The following RIMS2 variants were observed in gnomAD, a reference collection of about 807,000 sequenced individuals.
RIMS2 encodes regulating synaptic membrane exocytosis 2, also known as regulating synaptic membrane exocytosis protein 2.
RIMS2 carries 59 observed loss-of-function variants against 174.4 expected under a neutral mutation model. The ratio of observed to expected loss-of-function variants is 0.34; its 90% CI spans 0.27 to 0.42. The LOEUF is 0.42. Ranked by LOEUF, RIMS2 falls within the 10% of genes least tolerant of loss-of-function variation. RIMS2 has a pLI of 1.00. For synonymous variants in RIMS2, 606 were observed against 572.5 expected (o/e 1.06, Z -0.84); for missense variants, 1,620 against 1,666.3 (o/e 0.97, Z 0.48).
intron 19 of RIMS2, among the ~76,000 whole-genome samples, chr8:104,131,566 G>A (rs2098473946): frequency 6.6e-6 from 1 of 152,128 alleles, no homozygotes; most frequent in African/African-American, 2.4e-5. Flanking sequence ...ATATGAAAAT[G>A]AAATTGAGTT....
intron 17 of RIMS2, among the ~76,000 whole-genome samples, chr8:104,002,950 A>G (rs559702739): frequency 4.6e-5 from 7 of 152,236 alleles, no homozygotes; most frequent in Admixed American, 2.0e-4. Context: ...ATAATATTTG[A>G]TTCATTGTGC....
chr8:103,657,763 A>T (rs1157212105), intron 1 of RIMS2, among the ~76,000 whole-genome samples: 1 of 152,166 alleles, frequency 6.6e-6, no homozygotes, highest in African/African-American at 2.4e-5. Context: ...CTTCATTCTC[A>T]TTGGTTAACA....
At chr8:103,908,536 C>T (rs1659457311) in intron 4 of RIMS2, among the ~76,000 whole-genome samples, 1 of 152,014 alleles carries the variant, frequency 6.6e-6, no homozygotes, top group African/African-American at 2.4e-5. Context: ...TCCCTGTTAC[C>T]CTTCCCTAAC....
chr8:103,550,613 A>G (rs1235664241), intron 1 of RIMS2, among the ~76,000 whole-genome samples: 1 of 152,192 alleles, frequency 6.6e-6, no homozygotes, highest in Non-Finnish European at 1.5e-5. Context: ...ATCAGAGCAG[A>G]ACTGAAGGAG....
intron 19 of RIMS2, among the ~76,000 whole-genome samples, chr8:104,076,927 C>T (rs911419785): frequency 6.6e-6 from 1 of 151,832 alleles, no homozygotes; most frequent in African/African-American, 2.4e-5. Context: ...AGTGATTCTC[C>T]TACCTCAGCC....
chr8:103,923,515 A>G (rs987039280), intron 10 of RIMS2, among the ~76,000 whole-genome samples: 1 of 151,902 alleles, frequency 6.6e-6, no homozygotes, highest in Non-Finnish European at 1.5e-5. Flanking sequence ...TAAAAGGTAC[A>G]TCTGTTAAAT....
intron 1 of RIMS2, among the ~76,000 whole-genome samples, chr8:103,548,570 T>C (rs1422747977): frequency 6.6e-6 from 1 of 151,390 alleles, no homozygotes; most frequent in Non-Finnish European, 1.5e-5. Context: ...TTATATTGAA[T>C]GGGCAAAAGC....
At chr8:103,590,874 CAT>C (rs1241868463) in intron 1 of RIMS2, among the ~76,000 whole-genome samples, 5 of 150,994 alleles carry the variant, frequency 3.3e-5, no homozygotes, top group Non-Finnish European at 1.5e-5. Flanking sequence ...TTTTTGTAGA[CAT>C]ATGTTTTCAT....
intron 1 of RIMS2, among the ~76,000 whole-genome samples, chr8:103,637,365 T>C (rs1284245845): frequency 6.6e-6 from 1 of 152,236 alleles, no homozygotes; most frequent in African/African-American, 2.4e-5. Context: ...CTTTCTTTTC[T>C]TGAATTTACT....
chr8:104,019,097 C>T (rs2096011906), intron 19 of RIMS2, among the ~76,000 whole-genome samples: 1 of 152,130 alleles, frequency 6.6e-6, no homozygotes, highest in Admixed American at 6.6e-5. Flanking sequence ...ACTTGGGAGA[C>T]TGAAGCAGGA....
chr8:103,899,183 T>C (rs973367476), intron 4 of RIMS2, among the ~76,000 whole-genome samples: 13 of 151,802 alleles, frequency 8.6e-5, no homozygotes, highest in African/African-American at 2.4e-4. Context: ...AATAAACATA[T>C]GTGTGCATGT....
At chr8:103,625,193 T>TAA (rs1564069109) in intron 1 of RIMS2, among the ~76,000 whole-genome samples, 1,782 of 151,436 alleles carry the variant, frequency 0.012, 49 homozygotes, top group African/African-American at 0.041. Flanking sequence ...TTTTTTTTTT[T>TAA]ATTATACTTT....
chr8:104,252,122 A>G, downstream of RIMS2: 1 of 399,922 alleles, frequency 2.5e-6, no homozygotes, highest in Non-Finnish European at 4.5e-6. Context: ...CATGCAACAG[A>G]AGCCCTTTTC....
intron 1 of RIMS2, among the ~76,000 whole-genome samples, chr8:103,673,392 C>T (rs2096769567): frequency 1.3e-5 from 2 of 152,218 alleles, no homozygotes; most frequent in South Asian, 4.1e-4. Flanking sequence ...TCTGTGAGGG[C>T]TCCACTCTTA....
At chr8:103,554,728 C>T (rs193254216) in intron 1 of RIMS2, among the ~76,000 whole-genome samples, 5 of 152,182 alleles carry the variant, frequency 3.3e-5, no homozygotes, top group South Asian at 2.1e-4. Flanking sequence ...TAAAGACACA[C>T]GGAGATGTAT....
chr8:103,712,639 G>C (rs1326986123), intron 2 of RIMS2, among the ~76,000 whole-genome samples: 2 of 152,058 alleles, frequency 1.3e-5, no homozygotes, highest in Non-Finnish European at 2.9e-5. Flanking sequence ...AATCATAATA[G>C]GAGACTATAC....
chr8:103,598,969 A>T (rs1270343660), intron 1 of RIMS2, among the ~76,000 whole-genome samples: 1 of 151,886 alleles, frequency 6.6e-6, no homozygotes, highest in African/African-American at 2.4e-5. Flanking sequence ...AAACATATTG[A>T]TCTTTCTATT....
chr8:103,598,621 C>G (rs2094566071), intron 1 of RIMS2, among the ~76,000 whole-genome samples: 1 of 152,112 alleles, frequency 6.6e-6, no homozygotes, highest in Non-Finnish European at 1.5e-5. Flanking sequence ...TATACTCTGT[C>G]CTGGCGAAGG....
chr8:103,965,020 A>G (rs969148908), intron 15 of RIMS2, among the ~76,000 whole-genome samples: 9 of 152,154 alleles, frequency 5.9e-5, no homozygotes, highest in African/African-American at 1.9e-4. Context: ...TTATTTGTCT[A>G]TTCGTTGACC....
Sources: allele counts gnomAD v4.1 joint callset (sites outside exome capture counted in the v4.1 genomes callset), GRCh38; gene constraint gnomAD v4.1.1; transcripts MANE v1.5; gene names NCBI Gene and HGNC (gene_info 2026-07-23, HGNC 2026-07-21).